The following TFEC variants were observed in gnomAD, a reference collection of about 807,000 sequenced individuals.
The protein encoded by TFEC is class E basic helix-loop-helix protein 34.
Under a neutral mutation model 41.6 loss-of-function variants are expected in TFEC, and 31 were observed. The observed-to-expected ratio is 0.74, with a 90% CI of 0.56 to 1.01. The LOEUF is 1.01. TFEC is among the 50% of genes least tolerant of loss of function. TFEC has a pLI of 0.00. For synonymous variants in TFEC, 143 were observed against 140.6 expected, an observed-to-expected ratio of 1.02 and a Z score of -0.12; for missense variants, 402 against 404.1, an observed-to-expected ratio of 0.99 and a Z score of 0.04.
At chr7:116,045,384 T>C (rs893564380) in intron 3 of TFEC, among the ~76,000 whole-genome samples, 2 of 152,220 alleles carry the variant, frequency 1.3e-5, no homozygotes, top group Non-Finnish European at 2.9e-5. Context: ...AAGACATTTC[T>C]AAGAAGCAAA....
At chr7:115,963,609 G>C (rs1203150831) in intron 3 of TFEC, among the ~76,000 whole-genome samples, 5 of 151,684 alleles carry the variant, frequency 3.3e-5, no homozygotes, top group African/African-American at 4.8e-5. Context: ...GATGAATGCT[G>C]CAACATGGGT....
chr7:116,156,691 C>T (rs1798876454), intron 1 of TFEC, among the ~76,000 whole-genome samples: 1 of 152,152 alleles, frequency 6.6e-6, no homozygotes, highest in African/African-American at 2.4e-5. Flanking sequence ...TACAAATATG[C>T]CATCTTCCAT....
intron 3 of TFEC, among the ~76,000 whole-genome samples, chr7:116,053,311 T>C (rs1391869559): frequency 6.6e-6 from 1 of 152,206 alleles, no homozygotes; most frequent in African/African-American, 2.4e-5. Flanking sequence ...CTCTAGTTTA[T>C]CTGTGCATAT....
rs114384329 is a variant in TFEC, at chr7:116,044,007, A to C, written c.199-59494T>G. ...CAATTTATGGGGCTTCTCAGCTGCC[A>C]TGTAATTCTTAGTTATTTTCTCAAA... is the stretch of plus-strand genomic sequence containing the variant. On this transcript the variant is annotated intron_variant, in intron 3 of 8. Transcript: ENST00000484212. 7.8e-3 allele frequency among the ~76,000 whole-genome samples: 1,185 copies of C among 152,312 alleles called. 14 individuals carry two copies. The highest frequency in any genetic ancestry group is 0.026 in the African/African-American group (1,087 of 41,554).
chr7:115,940,997 C>A, intron 7 of TFEC, 66 bp from the exon 8 acceptor site: 2 of 1,403,684 alleles, frequency 1.4e-6, no homozygotes, highest in South Asian at 3.0e-5. Flanking sequence ...AGAGAATAAG[C>A]CAGACATAGA....
At chr7:116,113,161 C>T (rs972875358) in intron 1 of TFEC, among the ~76,000 whole-genome samples, 2 of 151,898 alleles carry the variant, frequency 1.3e-5, no homozygotes, top group Non-Finnish European at 2.9e-5. Context: ...ACTATATCTC[C>T]CCCACTGCCA....
intron 6 of TFEC, among the ~76,000 whole-genome samples, chr7:115,945,671 T>C (rs1014613828): frequency 9.9e-5 from 15 of 151,740 alleles, no homozygotes; most frequent in Non-Finnish European, 1.3e-4. Flanking sequence ...TTTGCCTACA[T>C]ACAACACAAT....
At position 116,050,054 on chromosome 7, in the gene TFEC, A is replaced by G. The variant is rs182619901; in HGVS notation, c.198+60654T>C. ...AAAGATCTAAAATTGACACCCTAAC[A>G]ACACAATTAAAAGAACTAGAGAAGC... On this transcript the variant is annotated intron_variant, in intron 3 of 8. Transcript: ENST00000484212. Among the ~76,000 whole-genome samples the G allele has an allele frequency of 9.3e-4, 141 of 152,350 alleles. 2 individuals are homozygous for G. The East Asian group carries it at 0.024, about 26-fold the overall frequency.
chr7:116,004,808 A>C (rs1330520502), intron 1 of TFEC, among the ~76,000 whole-genome samples: 1 of 151,968 alleles, frequency 6.6e-6, no homozygotes, highest in Admixed American at 6.6e-5. Flanking sequence ...AAACATAATC[A>C]TAGGGAGATC....
intron 1 of TFEC, among the ~76,000 whole-genome samples, chr7:116,125,869 G>C (rs890654767): frequency 9.2e-5 from 14 of 152,252 alleles, no homozygotes; most frequent in Admixed American, 8.5e-4. Flanking sequence ...AAACAATTGA[G>C]ATGAAAGCTA....
At chr7:115,998,718 TG>T (rs1794467077) in intron 1 of TFEC, among the ~76,000 whole-genome samples, 1 of 151,760 alleles carries the variant, frequency 6.6e-6, no homozygotes, top group South Asian at 2.1e-4. Flanking sequence ...AGAAAAAAGG[TG>T]TAAGAAGAGA....
intron 2 of TFEC, among the ~76,000 whole-genome samples, chr7:115,977,557 A>G (rs1194057729): frequency 6.6e-6 from 1 of 152,020 alleles, no homozygotes; most frequent in Non-Finnish European, 1.5e-5. Context: ...ATAAAAACTC[A>G]GAAACTTTAA....
At chr7:116,094,111 G>A (rs1400064010) in intron 3 of TFEC, among the ~76,000 whole-genome samples, 1 of 152,100 alleles carries the variant, frequency 6.6e-6, no homozygotes, top group African/African-American at 2.4e-5. Context: ...TAACATATGA[G>A]GTAGTTTTAA....
Position 116,082,230 on chromosome 7 carries a change from G to A in TFEC, c.198+28478C>T, listed in dbSNP as rs1797107353. 2.0e-5 allele frequency among the ~76,000 whole-genome samples: 3 copies of A among 151,938 alleles called. No individual in the cohort carries two copies. The South Asian group carries it at 6.2e-4, about 32-fold the overall frequency. ...GTGTGTACATACGTATCTGCTACAGGGTGAATGAGGACATTTAGCACTGAA... is the reference window on the plus strand; with the variant it reads ...GTGTGTACATACGTATCTGCTACAGAGTGAATGAGGACATTTAGCACTGAA... On this transcript the variant is annotated intron_variant, in intron 3 of 8. Transcript: ENST00000484212.
intron 1 of TFEC, among the ~76,000 whole-genome samples, chr7:116,010,438 G>C (rs921613419): frequency 1.3e-5 from 2 of 152,148 alleles, no homozygotes; most frequent in Non-Finnish European, 2.9e-5. Flanking sequence ...TGAATGGATA[G>C]TGATGTCCTT....
At chr7:116,000,220 CA>C (rs1480172827) in intron 1 of TFEC, among the ~76,000 whole-genome samples, 35 of 152,140 alleles carry the variant, frequency 2.3e-4, no homozygotes, top group African/African-American at 7.7e-4. Context: ...ACCACATGAT[CA>C]TTTCAATTGA....
At chr7:115,947,323 T>G (rs1562879927) in intron 6 of TFEC, among the ~76,000 whole-genome samples, 2 of 151,676 alleles carry the variant, frequency 1.3e-5, no homozygotes, top group Non-Finnish European at 1.5e-5. Context: ...CTATCATTGC[T>G]GGACATTTGG....
intron 1 of TFEC, among the ~76,000 whole-genome samples, chr7:116,122,610 A>G (rs1181634566): frequency 6.6e-6 from 1 of 152,074 alleles, no homozygotes; most frequent in African/African-American, 2.4e-5. Context: ...GCCCTTTAGC[A>G]AGTTATATTC....
chr7:116,022,773 AT>A (rs1211126291), intron 1 of TFEC, among the ~76,000 whole-genome samples: 1 of 152,126 alleles, frequency 6.6e-6, no homozygotes, highest in Non-Finnish European at 1.5e-5. Flanking sequence ...TATCTTCATA[AT>A]TTATTTAAAA....
Sources: gnomAD v4.1 joint callset for allele counts (sites outside exome capture counted in the v4.1 genomes callset) on GRCh38, gnomAD v4.1.1 for gene constraint, MANE v1.5 for transcripts, NCBI Gene and HGNC (gene_info 2026-07-23, HGNC 2026-07-21) for gene names.